The following CADPS variants were observed in gnomAD, a reference collection of about 807,000 sequenced individuals.
CADPS encodes calcium-dependent secretion activator 1.
A neutral mutation model predicts 167.3 loss-of-function variants in CADPS; 57 were observed. That is an observed-to-expected ratio of 0.34 (90% CI 0.28 to 0.42). The LOEUF (loss-of-function observed/expected upper bound fraction) is 0.42. Ranked by LOEUF, CADPS falls within the 20% of genes least tolerant of loss-of-function variation. The probability of loss-of-function intolerance (pLI) is 1.00; values close to 1 mark genes in which losing one functional copy is unlikely to be tolerated. For synonymous variants in CADPS, 676 were observed against 635.3 expected, an observed-to-expected ratio of 1.06 and a Z score of -0.96; for missense variants, 1,414 against 1,738.1, an observed-to-expected ratio of 0.81 and a Z score of 3.32.
intron 10 of CADPS, among the ~76,000 whole-genome samples, chr3:62,552,216 C>A (rs1021228724): frequency 8.9e-6 from 1 of 112,418 alleles, no homozygotes; most frequent in Non-Finnish European, 1.7e-5. Context: ...CATCACACAC[C>A]GGGACCTGTT....
chr3:62,682,236 G>T (rs1319105425), intron 3 of CADPS, among the ~76,000 whole-genome samples: 2 of 151,868 alleles, frequency 1.3e-5, no homozygotes, highest in Non-Finnish European at 2.9e-5. Flanking sequence ...ACTTTTTTTG[G>T]AAATTAAGGA....
chr3:62,425,396 A>G (rs556214480), intron 28 of CADPS, among the ~76,000 whole-genome samples: 1 of 152,158 alleles, frequency 6.6e-6, no homozygotes, highest in Non-Finnish European at 1.5e-5. Context: ...ATCACCCACA[A>G]TGGAGAACCA....
intron 28 of CADPS, among the ~76,000 whole-genome samples, chr3:62,425,342 C>CAA (rs2052416323): frequency 6.6e-6 from 1 of 152,104 alleles, no homozygotes; most frequent in Non-Finnish European, 1.5e-5. Flanking sequence ...CGCCACCAAT[C>CAA]AAAAATGTCT....
intron 3 of CADPS, among the ~76,000 whole-genome samples, chr3:62,749,307 G>A (rs1370222416): frequency 1.3e-5 from 2 of 152,144 alleles, no homozygotes; most frequent in Admixed American, 1.3e-4. Flanking sequence ...ATCGCTCTTT[G>A]ATAAATGTCA....
chr3:62,669,152 C>G (rs189043598), intron 3 of CADPS, among the ~76,000 whole-genome samples: 3 of 152,186 alleles, frequency 2.0e-5, no homozygotes, highest in African/African-American at 7.2e-5. Flanking sequence ...CTTGTTTTCT[C>G]GCTACTTTGC....
intron 3 of CADPS, among the ~76,000 whole-genome samples, chr3:62,663,583 T>C (rs921929805): frequency 1.2e-4 from 15 of 124,658 alleles, no homozygotes; most frequent in Admixed American, 9.9e-4. Flanking sequence ...AAATCAATTT[T>C]AGAAGAAAGT....
At chr3:62,846,052 T>C (rs1045380168) in intron 1 of CADPS, among the ~76,000 whole-genome samples, 2 of 71,460 alleles carry the variant, frequency 2.8e-5, no homozygotes, top group African/African-American at 1.0e-4. Flanking sequence ...ATTTCCCCCT[T>C]TGCTCTCTCT....
intron 3 of CADPS, among the ~76,000 whole-genome samples, chr3:62,738,445 A>C (rs482048): frequency 0.4 from 60,901 of 151,692 alleles, 12,674 homozygotes; most frequent in African/African-American, 0.49. Flanking sequence ...AAATTGATGC[A>C]TTGTGTGGTG....
At chr3:62,603,724 A>G (rs2060292663) in intron 6 of CADPS, among the ~76,000 whole-genome samples, 1 of 151,994 alleles carries the variant, frequency 6.6e-6, no homozygotes. Context: ...CACTTTTTCC[A>G]TTAGAACTCT....
At chr3:62,844,112 C>T (rs1389108357) in intron 1 of CADPS, among the ~76,000 whole-genome samples, 1 of 152,070 alleles carries the variant, frequency 6.6e-6, no homozygotes, top group Non-Finnish European at 1.5e-5. Flanking sequence ...TTTTGTTGAG[C>T]CTCTACCACC....
intron 3 of CADPS, among the ~76,000 whole-genome samples, chr3:62,726,746 C>G (rs769016485): frequency 9.2e-5 from 14 of 151,822 alleles, no homozygotes; most frequent in Non-Finnish European, 1.8e-4. Flanking sequence ...AGTAATTAAC[C>G]CTTCTGCTTC....
At chr3:62,649,466 G>A (rs947623519) in intron 5 of CADPS, among the ~76,000 whole-genome samples, 2 of 148,228 alleles carry the variant, frequency 1.3e-5, no homozygotes, top group African/African-American at 2.5e-5. Context: ...TTGCCCCAGG[G>A]AACATTAATC....
chr3:62,841,217 T>C (rs539907122), intron 1 of CADPS, among the ~76,000 whole-genome samples: 174 of 152,162 alleles, frequency 1.1e-3, no homozygotes, highest in Non-Finnish European at 2.2e-3. Context: ...AATTACTGAC[T>C]AGTAAGTAAG....
chr3:62,561,643 A>G (rs1418490890), intron 9 of CADPS, among the ~76,000 whole-genome samples: 1 of 152,050 alleles, frequency 6.6e-6, no homozygotes, highest in Non-Finnish European at 1.5e-5. Context: ...AACCTCTAAG[A>G]TTGCCCTTGA....
chr3:62,505,655 G>A (rs1250559119), intron 17 of CADPS, among the ~76,000 whole-genome samples: 1 of 152,192 alleles, frequency 6.6e-6, no homozygotes, highest in Non-Finnish European at 1.5e-5. Flanking sequence ...AAACCTTTGA[G>A]AGCTTCCCTT....
At chr3:62,727,632 A>C (rs1171107491) in intron 3 of CADPS, among the ~76,000 whole-genome samples, 2 of 151,886 alleles carry the variant, frequency 1.3e-5, no homozygotes, top group African/African-American at 4.9e-5. Flanking sequence ...CCTCATTTAG[A>C]GGAATTATTT....
At chr3:62,481,511 G>A (rs777070891) in intron 22 of CADPS, among the ~76,000 whole-genome samples, 25 of 152,166 alleles carry the variant, frequency 1.6e-4, no homozygotes, top group Non-Finnish European at 2.6e-4. Flanking sequence ...TTCAGTGGGC[G>A]TAAGACAAAT....
chr3:62,647,831 C>A (rs1394690699), intron 5 of CADPS, among the ~76,000 whole-genome samples: 1 of 152,206 alleles, frequency 6.6e-6, no homozygotes, highest in Non-Finnish European at 1.5e-5. Flanking sequence ...GTTACTACAC[C>A]TGCAAATACC....
chr3:62,665,020 G>C (rs190883713), intron 3 of CADPS, among the ~76,000 whole-genome samples: 1 of 152,108 alleles, frequency 6.6e-6, no homozygotes, highest in Non-Finnish European at 1.5e-5. Context: ...TGACTCCATG[G>C]AGCTTAAATC....
Sources: gnomAD v4.1 joint callset for allele counts (sites outside exome capture counted in the v4.1 genomes callset) on GRCh38, gnomAD v4.1.1 for gene constraint, MANE v1.5 for transcripts, NCBI Gene and HGNC (gene_info 2026-07-23, HGNC 2026-07-21) for gene names.